Variants in SGCD observed in about 807,000 individuals in gnomAD.
SGCD encodes sarcoglycan delta.
In SGCD, 18 loss-of-function variants were observed where a neutral mutation model predicts 36.6. That is an observed-to-expected ratio of 0.49 (90% CI 0.34 to 0.73). The LOEUF (loss-of-function observed/expected upper bound fraction) is 0.73. Among genes scored for constraint, SGCD ranks in the 30% least tolerant of loss-of-function variants. The pLI, the probability that SGCD is intolerant of heterozygous loss-of-function variation, is 0.01. For missense variants in SGCD, 387 were observed against 346.7 expected, an observed-to-expected ratio of 1.12 and a Z score of -0.92; for synonymous variants, 133 against 130.6, an observed-to-expected ratio of 1.02 and a Z score of -0.12.
At chr5:156,445,064 T>A (rs1248973182) in intron 3 of SGCD, among the ~76,000 whole-genome samples, 1 of 152,218 alleles carries the variant, frequency 6.6e-6, no homozygotes, top group Non-Finnish European at 1.5e-5. Flanking sequence ...TCCCGCAGAC[T>A]GTAAACAGGA....
chr5:156,564,558 C>T (rs564998914), intron 4 of SGCD, among the ~76,000 whole-genome samples: 4 of 152,210 alleles, frequency 2.6e-5, no homozygotes, highest in East Asian at 1.9e-4. Flanking sequence ...GCATTAAGTA[C>T]GCTCAGTGTT....
At chr5:155,775,027 A>G in the SGCD span, among the ~76,000 whole-genome samples, 11 of 152,278 alleles carry the variant, frequency 7.2e-5, no homozygotes, top group South Asian at 2.1e-3. Context: ...ACCATACAGA[A>G]CCATGCAAAC....
intron 7 of SGCD, among the ~76,000 whole-genome samples, chr5:156,741,122 A>G (rs1402952394): frequency 6.6e-6 from 1 of 152,192 alleles, no homozygotes; most frequent in Non-Finnish European, 1.5e-5. Context: ...GTCGCTCCCC[A>G]AAGTAACAAA....
chr5:155,923,721 T>C (rs902610542), intron 1 of SGCD, among the ~76,000 whole-genome samples: 2 of 151,466 alleles, frequency 1.3e-5, no homozygotes, highest in Non-Finnish European at 2.9e-5. Context: ...GCAATATTTC[T>C]TTACCAAGAA....
At chr5:156,229,257 C>CATATATAT in intron 3 of SGCD, among the ~76,000 whole-genome samples, 2 of 32,252 alleles carry the variant, frequency 6.2e-5, no homozygotes, top group Non-Finnish European at 1.3e-4. Flanking sequence ...TATATACATA[C>CATATATAT]ATACATATAT....
chr5:155,879,142 A>G (rs527636699), intron 1 of SGCD, among the ~76,000 whole-genome samples: 1 of 152,242 alleles, frequency 6.6e-6, no homozygotes, highest in African/African-American at 2.4e-5. Context: ...CCCGCTTGCC[A>G]TGCCATAGAA....
At chr5:156,655,811 G>GT (rs565121227) in intron 7 of SGCD, among the ~76,000 whole-genome samples, 62 of 150,522 alleles carry the variant, frequency 4.1e-4, no homozygotes, top group South Asian at 1.1e-3. Context: ...CTTATTCACT[G>GT]TTTTTTTTTC....
the SGCD span, among the ~76,000 whole-genome samples, chr5:155,751,147 TG>T: frequency 6.6e-6 from 1 of 152,178 alleles, no homozygotes; most frequent in Non-Finnish European, 1.5e-5. Context: ...TGCACACAAG[TG>T]AGTAACGGAT....
At chr5:156,727,573 A>G (rs1755840688) in intron 7 of SGCD, among the ~76,000 whole-genome samples, 1 of 152,240 alleles carries the variant, frequency 6.6e-6, no homozygotes, top group African/African-American at 2.4e-5. Flanking sequence ...GAAGTTGGCA[A>G]AAATAATGTT....
intron 1 of SGCD, among the ~76,000 whole-genome samples, chr5:156,070,470 A>T (rs953044308): frequency 1.3e-4 from 20 of 150,094 alleles, no homozygotes; most frequent in Admixed American, 4.6e-4. Context: ...CTTGCATCCC[A>T]GGGATGAAGC....
At chr5:156,072,322 T>G (rs10476274) in intron 1 of SGCD, among the ~76,000 whole-genome samples, 1 of 151,868 alleles carries the variant, frequency 6.6e-6, no homozygotes, top group Non-Finnish European at 1.5e-5. Flanking sequence ...TTAGGGCAGG[T>G]CTGGTGGTCA....
chr5:156,029,630 C>A (rs1759299810), intron 1 of SGCD, among the ~76,000 whole-genome samples: 1 of 152,024 alleles, frequency 6.6e-6, no homozygotes, highest in Non-Finnish European at 1.5e-5. Flanking sequence ...TAGAAGCCAG[C>A]CAGGGAGTAA....
At chr5:156,384,257 T>G (rs1307973866) in intron 3 of SGCD, among the ~76,000 whole-genome samples, 4 of 152,240 alleles carry the variant, frequency 2.6e-5, no homozygotes, top group Non-Finnish European at 5.9e-5. Flanking sequence ...TTAGTCTACT[T>G]TACTCTTTCT....
intron 3 of SGCD, among the ~76,000 whole-genome samples, chr5:156,235,989 G>A (rs1413363326): frequency 1.3e-5 from 2 of 152,144 alleles, no homozygotes; most frequent in African/African-American, 4.8e-5. Flanking sequence ...GAAAAATGTG[G>A]TGGATTTTTG....
At chr5:155,745,809 C>T in the SGCD span, among the ~76,000 whole-genome samples, 3 of 152,294 alleles carry the variant, frequency 2.0e-5, no homozygotes, top group East Asian at 3.9e-4. Flanking sequence ...CTTTTATACT[C>T]ACTGGATTAG....
At chr5:155,849,502 CAA>C in the SGCD span, among the ~76,000 whole-genome samples, 1 of 151,818 alleles carries the variant, frequency 6.6e-6, no homozygotes, top group Non-Finnish European at 1.5e-5. Context: ...GAATAATTTG[CAA>C]AAATACATTT....
intron 7 of SGCD, among the ~76,000 whole-genome samples, chr5:156,667,725 TC>T (rs1753110152): frequency 6.6e-6 from 1 of 152,182 alleles, no homozygotes; most frequent in African/African-American, 2.4e-5. Flanking sequence ...GCTCTCCTAG[TC>T]CTAATGCCTA....
intron 3 of SGCD, among the ~76,000 whole-genome samples, chr5:156,260,631 T>C (rs1765834407): frequency 6.6e-6 from 1 of 152,144 alleles, no homozygotes; most frequent in Non-Finnish European, 1.5e-5. Context: ...ATGTCATTAA[T>C]AAATTAAAAT....
chr5:156,756,641 G>T (rs1217217154), intron 7 of SGCD, among the ~76,000 whole-genome samples: 1 of 152,164 alleles, frequency 6.6e-6, no homozygotes, highest in Non-Finnish European at 1.5e-5. Context: ...CTCCTAAGGA[G>T]TATTATCCTG....
Sources: allele counts gnomAD v4.1 joint callset (sites outside exome capture counted in the v4.1 genomes callset), GRCh38; gene constraint gnomAD v4.1.1; transcripts MANE v1.5; gene names NCBI Gene and HGNC (gene_info 2026-07-23, HGNC 2026-07-21).